Variants in CHEK2 observed in about 807,000 individuals in gnomAD.
CHEK2 encodes the protein checkpoint kinase 2.
A neutral mutation model predicts 69.1 loss-of-function variants in CHEK2; 71 were observed. That is an observed-to-expected ratio of 1.03 (90% CI 0.85 to 1.25). CHEK2 has a LOEUF of 1.25. Among genes scored for constraint, CHEK2 ranks in the 50% most tolerant of loss-of-function variants. The pLI is 0.00. For missense variants in CHEK2, 664 were observed against 649.6 expected (o/e 1.02, Z -0.24); for synonymous variants, 189 against 226.9 (o/e 0.83, Z 1.50).
At position 28,730,382 on chromosome 22, in the gene CHEK2, AGAAAGG is replaced by A. The variant is rs762172627; in HGVS notation, c.319+4015_319+4020del. 7.3e-6 allele frequency: 4 copies of A among 544,616 alleles called. No individual in the cohort carries two copies. In the Admixed American group the frequency reaches 1.1e-4, roughly 15 times the overall value. 33.7% of individuals were successfully genotyped at this position (544,616 alleles called of 1,614,324 possible). ...GGGAAAGGAAAAGGAAAAGGGAAAG[AGAAAGG>A]GAAAGGGAAAGACCCACAGCTAACA... On this transcript the variant is annotated intron_variant, in intron 2 of 14. Coordinates refer to ENST00000404276, the MANE Select transcript of CHEK2 (RefSeq NM_007194.4).
intron 1 of CHEK2, among the ~76,000 whole-genome samples, chr22:28,736,595 C>A (rs1030822615): frequency 6.6e-6 from 1 of 152,164 alleles, no homozygotes; most frequent in East Asian, 1.9e-4. Context: ...AACTGGAGAC[C>A]GTAACAGAGG....
intron 2 of CHEK2, chr22:28,729,219 C>A: frequency 8.6e-6 from 2 of 232,540 alleles, no homozygotes; most frequent in Non-Finnish European, 8.9e-6. Context: ...TCCAGCAACA[C>A]ATAAAAAAGA....
In CHEK2 at chr22:28,695,743, T is replaced by A. The variant is rs761095543; in HGVS notation, c.1226A>T (p.Asp409Val). The change falls in exon 11 of 15, where the codon GAC becomes GTC. Residue 409 changes from aspartate (D) to valine (V), a missense_variant. Coordinates refer to ENST00000404276, the MANE Select transcript of CHEK2 (RefSeq NM_007194.4). Reference protein sequence around the residue: ...VGTAGYNRAVDCWSLGVILFI... With the variant: ...VGTAGYNRAVVCWSLGVILFI... ...AAGAATAACTCCTAAACTCCAGCAG[T>A]CCACAGCACGGTTATACCCAGCAGT... 2 of 1,613,664 alleles carry A rather than the reference T, an allele frequency of 1.2e-6. No homozygotes were observed. Among genetic ancestry groups the A allele is most frequent in the Admixed American group, 1.7e-5 (1 of 59,976 alleles).
At position 28,699,918 on chromosome 22, in the gene CHEK2, A is replaced by G. The variant is rs2052767851; in HGVS notation, c.928T>C (p.Phe310Leu). Residue 310 changes from phenylalanine (F) to leucine (L), a missense_variant, in exon 9 of 15, where the codon TTT becomes CTT. By Grantham distance (22) the Phe-to-Leu change is conservative. Coordinates refer to ENST00000404276, the MANE Select transcript of CHEK2 (RefSeq NM_007194.4). ...VLELMEGGEL[F>L]DKVVGNKRLK... ...CGTTTATTCCCCACCACTTTGTCAAACAGCTCTCCCCCTTCCATCCTGAAA... is the reference window on the plus strand; with the variant it reads ...CGTTTATTCCCCACCACTTTGTCAAGCAGCTCTCCCCCTTCCATCCTGAAA... 6.2e-7 allele frequency: 1 copy of G among 1,613,932 alleles called. No homozygotes were observed. The highest frequency in any genetic ancestry group is 8.5e-7 in the Non-Finnish European group (1 of 1,179,872).
At chr22:28,718,527 C>G (rs1001157190) in intron 5 of CHEK2, among the ~76,000 whole-genome samples, 1 of 152,054 alleles carries the variant, frequency 6.6e-6, no homozygotes, top group Non-Finnish European at 1.5e-5. Context: ...GGGAAGCAAC[C>G]AAAGTGTCCA....
At chr22:28,699,984 C>A in intron 8 of CHEK2, 47 bp from the exon 9 acceptor site, 1 of 1,273,824 alleles carries the variant, frequency 7.9e-7, no homozygotes. Context: ...GGGGAAAACG[C>A]ACTTGGACAG....
chr22:28,713,357 GTTTTC>G (rs1430332638), intron 5 of CHEK2, among the ~76,000 whole-genome samples: 2 of 149,872 alleles, frequency 1.3e-5, no homozygotes, highest in Non-Finnish European at 3.0e-5. Flanking sequence ...TTATGTACAA[GTTTTC>G]TTTTTTTTTT....
At position 28,741,801 on chromosome 22, in the gene CHEK2, G is replaced by A. The variant is rs1014208068; in HGVS notation, c.-39C>T. On this transcript the variant is annotated 5_prime_UTR_variant, in exon 1 of 15. Coordinates refer to ENST00000404276, the MANE Select transcript of CHEK2 (RefSeq NM_007194.4). ...GCCCACCTGGAGCCGCACACTCTCC[G>A]CAGCCTCAGCCAGCAGAGTGGCGCT... is the stretch of plus-strand genomic sequence containing the variant. 3 of 504,016 alleles carry A rather than the reference G, an allele frequency of 6.0e-6. No individual in the cohort carries two copies. Among genetic ancestry groups the A allele is most frequent in the African/African-American group, 3.8e-5 (2 of 51,952 alleles). The allele number at this position is 504,016 out of a possible 1,614,324, so 31.2% of individuals were successfully genotyped here. A position where few individuals can be genotyped will look rare whatever the true frequency, so the allele number is the denominator to read the frequency against.
intron 2 of CHEK2, among the ~76,000 whole-genome samples, chr22:28,732,582 C>T (rs562967153): frequency 3.9e-5 from 6 of 152,150 alleles, no homozygotes; most frequent in Admixed American, 6.5e-5. Flanking sequence ...AAAATAGCTT[C>T]GAGTGTCTAC....
intron 5 of CHEK2, among the ~76,000 whole-genome samples, chr22:28,715,787 T>C (rs2053566617): frequency 1.3e-5 from 2 of 152,178 alleles, no homozygotes; most frequent in Non-Finnish European, 2.9e-5. Context: ...GTTGAGTTTC[T>C]ATCATTTGCT....
At chr22:28,736,773 G>A (rs1452784635) in intron 1 of CHEK2, among the ~76,000 whole-genome samples, 5 of 61,234 alleles carry the variant, frequency 8.2e-5, no homozygotes, top group Admixed American at 5.1e-4. Context: ...GACCCCCCCC[G>A]CCCCCCGTAC....
Position 28,734,629 on chromosome 22 carries a change from G to A in CHEK2, c.93C>T (p.Ser31=), listed in dbSNP as rs1197659709. 1.2e-6 allele frequency: 2 copies of A among 1,613,890 alleles called. No homozygotes were observed. The highest frequency in any genetic ancestry group is 1.7e-5 in the Admixed American group (1 of 59,978). The change falls in exon 2 of 15, where the codon TCC becomes TCT. Residue 31 remains serine (S), a synonymous_variant. Transcript: ENST00000404276. ...TGGATATGCCCTGGGACTGTGAGGAGGAGCCTTGGGACTGGGTAACGCTGC... is the reference window on the plus strand; with the variant it reads ...TGGATATGCCCTGGGACTGTGAGGAAGAGCCTTGGGACTGGGTAACGCTGC... ...PHGSVTQSQG[S]SSQSQGISSS...
chr22:28,708,942 G>C, intron 7 of CHEK2: 1 of 360,156 alleles, frequency 2.8e-6, no homozygotes, highest in Non-Finnish European at 5.3e-6. Context: ...GACAGAGCGA[G>C]CCTCCGTCTC....
intron 2 of CHEK2, 62 bp downstream of exon 2, chr22:28,734,341 A>C (rs1311908953): frequency 1.2e-5 from 18 of 1,542,560 alleles, no homozygotes; most frequent in Non-Finnish European, 1.5e-5. Flanking sequence ...CCACCTGGTA[A>C]TACAACTTTC....
At chr22:28,697,904 A>AT (rs2052653576) in intron 9 of CHEK2, among the ~76,000 whole-genome samples, 1 of 151,776 alleles carries the variant, frequency 6.6e-6, no homozygotes, top group Admixed American at 6.6e-5. Flanking sequence ...AAATTTTCAC[A>AT]TATCCACAAA....
chr22:28,708,128 C>T (rs967824691), intron 7 of CHEK2, among the ~76,000 whole-genome samples: 2 of 151,580 alleles, frequency 1.3e-5, no homozygotes, highest in African/African-American at 4.8e-5. Flanking sequence ...CGTGAGCCAC[C>T]GCGCCCACCG....
chr22:28,704,121 G>GACACACACAC (rs10565000), intron 7 of CHEK2, among the ~76,000 whole-genome samples: 1 of 142,940 alleles, frequency 7.0e-6, no homozygotes, highest in African/African-American at 2.6e-5. Flanking sequence ...GAGACAGACA[G>GACACACACAC]ACACACACAC....
At chr22:28,741,210 AAAAT>A (rs1282968438) in intron 1 of CHEK2, among the ~76,000 whole-genome samples, 2 of 151,972 alleles carry the variant, frequency 1.3e-5, no homozygotes, top group Non-Finnish European at 2.9e-5. Context: ...CTTTATATCA[AAAAT>A]AAATAATTTT....
At chr22:28,692,653 A>G (rs1452582043) in intron 13 of CHEK2, among the ~76,000 whole-genome samples, 1 of 152,224 alleles carries the variant, frequency 6.6e-6, no homozygotes, top group African/African-American at 2.4e-5. Context: ...CCAGAGAAAC[A>G]GCATTTAGCT....
Sources: gnomAD v4.1 joint callset for allele counts (sites outside exome capture counted in the v4.1 genomes callset) on GRCh38, gnomAD v4.1.1 for gene constraint, MANE v1.5 for transcripts, NCBI Gene and HGNC (gene_info 2026-07-23, HGNC 2026-07-21) for gene names.